CSMD1: variants seen among roughly 807,000 people sequenced by gnomAD.
CSMD1 encodes CUB and sushi domain-containing protein 1.
CSMD1 carries 213 observed loss-of-function variants against 417.5 expected under a neutral mutation model. That is an observed-to-expected ratio of 0.51 (90% CI 0.46 to 0.57). The LOEUF (loss-of-function observed/expected upper bound fraction) is 0.57. CSMD1 is among the 20% of genes least tolerant of loss of function. CSMD1 has a pLI of 0.00. For missense variants in CSMD1, 6,923 were observed against 4,529.7 expected, an observed-to-expected ratio of 1.53 and a Z score of -15.17; for synonymous variants, 2,862 against 1,736.8, an observed-to-expected ratio of 1.65 and a Z score of -16.11.
chr8:4,715,489 G>C (rs977251784), intron 1 of CSMD1, among the ~76,000 whole-genome samples: 1 of 151,988 alleles, frequency 6.6e-6, no homozygotes, highest in African/African-American at 2.4e-5. Flanking sequence ...CATATAAATT[G>C]ATAATCCTCA....
intron 12 of CSMD1, among the ~76,000 whole-genome samples, chr8:3,448,420 G>A (rs1318120970): frequency 6.7e-6 from 1 of 148,230 alleles, no homozygotes. Context: ...GGAAGGAAGG[G>A]AAGGAAGAAG....
At chr8:3,812,959 A>G (rs1801166004) in intron 5 of CSMD1, among the ~76,000 whole-genome samples, 1 of 152,156 alleles carries the variant, frequency 6.6e-6, no homozygotes, top group Admixed American at 6.5e-5. Context: ...TGGTAAAGGG[A>G]ACAGGCAGTG....
intron 1 of CSMD1, among the ~76,000 whole-genome samples, chr8:4,931,613 G>T (rs574299012): frequency 6.6e-6 from 1 of 152,310 alleles, no homozygotes; most frequent in Non-Finnish European, 1.5e-5. Flanking sequence ...AACTAGCTGT[G>T]TCCTGCAACC....
At chr8:4,812,841 C>G (rs1798986833) in intron 1 of CSMD1, among the ~76,000 whole-genome samples, 1 of 152,114 alleles carries the variant, frequency 6.6e-6, no homozygotes, top group Non-Finnish European at 1.5e-5. Context: ...CATAGGGAAT[C>G]TATTGTTATT....
At chr8:4,859,144 T>C (rs1171751979) in intron 1 of CSMD1, among the ~76,000 whole-genome samples, 1 of 151,908 alleles carries the variant, frequency 6.6e-6, no homozygotes, top group Non-Finnish European at 1.5e-5. Context: ...TTGACAAACC[T>C]GAGAAAAACA....
intron 3 of CSMD1, among the ~76,000 whole-genome samples, chr8:4,041,320 C>A (rs1047824363): frequency 6.6e-6 from 1 of 152,068 alleles, no homozygotes; most frequent in East Asian, 1.9e-4. Context: ...CCTGGCCGGG[C>A]CTTTGCCATT....
intron 2 of CSMD1, among the ~76,000 whole-genome samples, chr8:4,586,980 G>T (rs116279861): frequency 6.6e-6 from 1 of 152,130 alleles, no homozygotes; most frequent in Admixed American, 6.5e-5. Flanking sequence ...CTATATAAGA[G>T]CGCCTAAAAA....
chr8:3,742,827 A>T (rs544760512), intron 6 of CSMD1, among the ~76,000 whole-genome samples: 1 of 152,360 alleles, frequency 6.6e-6, no homozygotes, highest in East Asian at 1.9e-4. Context: ...ATATAAGGAG[A>T]CCCAACTTCT....
chr8:3,676,640 C>A (rs144221440), intron 7 of CSMD1, among the ~76,000 whole-genome samples: 1 of 152,078 alleles, frequency 6.6e-6, no homozygotes, highest in African/African-American at 2.4e-5. Flanking sequence ...TGTGGGACCA[C>A]GCACACACAT....
At chr8:4,749,082 G>A (rs897195748) in intron 1 of CSMD1, among the ~76,000 whole-genome samples, 2 of 152,158 alleles carry the variant, frequency 1.3e-5, no homozygotes, top group Admixed American at 6.5e-5. Context: ...GCGCACGCTC[G>A]CCTGCCCATG....
chr8:4,841,224 A>G (rs1800819065), intron 1 of CSMD1, among the ~76,000 whole-genome samples: 2 of 152,356 alleles, frequency 1.3e-5, no homozygotes, highest in African/African-American at 2.4e-5. Context: ...TCTAGATAAA[A>G]GGGAAACAAG....
chr8:4,632,960 G>A (rs1239551289), intron 2 of CSMD1, among the ~76,000 whole-genome samples: 4 of 152,170 alleles, frequency 2.6e-5, no homozygotes, highest in African/African-American at 7.2e-5. Context: ...AAACGGGAGG[G>A]ACTGAAGGAC....
chr8:3,462,623 C>G (rs7002178), intron 12 of CSMD1, among the ~76,000 whole-genome samples: 3,242 of 152,140 alleles, frequency 0.021, 123 homozygotes, highest in African/African-American at 0.074. Context: ...CCCAATGATT[C>G]TACATTATGG....
chr8:4,405,514 G>T (rs551433619), intron 3 of CSMD1, among the ~76,000 whole-genome samples: 76 of 151,980 alleles, frequency 5.0e-4, no homozygotes, highest in African/African-American at 1.7e-3. Context: ...CCAGCACAGC[G>T]GCTTAACAAA....
chr8:4,812,603 T>A (rs73181515), intron 1 of CSMD1, among the ~76,000 whole-genome samples: 6,275 of 151,318 alleles, frequency 0.041, 156 homozygotes, highest in African/African-American at 0.047. Context: ...CAAGCTTTTT[T>A]TAAAAAAACC....
At chr8:3,708,640 G>A (rs1801315996) in intron 6 of CSMD1, 149 bp from the exon 7 acceptor site, 1 of 642,602 alleles carries the variant, frequency 1.6e-6, no homozygotes, top group Non-Finnish European at 2.8e-6. Context: ...CCAAGTCAAT[G>A]AAGTCAAAGA....
rs536267666 is a variant in CSMD1, at chr8:3,671,054, G to C, written c.1009+37360C>G. Among the ~76,000 whole-genome samples, 3 of 124,376 alleles carry C rather than the reference G, an allele frequency of 2.4e-5. No homozygotes were observed. The East Asian group carries it at 6.9e-4, about 29-fold the overall frequency. The allele number at this position is 124,376 out of a possible 152,430, so 81.6% of individuals were successfully genotyped here. ...TGCATATGGGATATATATGTATATA[G>C]GATATATATGTATATGGGATATATA... On this transcript the variant is annotated intron_variant, in intron 7 of 69. Coordinates refer to ENST00000635120, the MANE Select transcript of CSMD1 (RefSeq NM_033225.6).
In CSMD1 at chr8:3,257,437, G is replaced by T. The variant is rs548221838; in HGVS notation, c.4153+26707C>A. Among the ~76,000 whole-genome samples, 3 of 152,308 alleles carry T rather than the reference G, an allele frequency of 2.0e-5. No homozygotes were observed. In the East Asian group the frequency reaches 5.8e-4, roughly 29 times the overall value. On this transcript the variant is annotated intron_variant, in intron 26 of 69. Coordinates refer to ENST00000635120, the MANE Select transcript of CSMD1 (RefSeq NM_033225.6). ...TTGTGGAGGTTAGATTCTCAAGGGA[G>T]GAGATAACAATACAAAATACAACCA...
intron 5 of CSMD1, among the ~76,000 whole-genome samples, chr8:3,869,514 C>G (rs1351620703): frequency 3.9e-5 from 6 of 152,118 alleles, no homozygotes; most frequent in Non-Finnish European, 5.9e-5. Flanking sequence ...GTTTGATATG[C>G]TTAACAATAT....
Sources: gnomAD v4.1 joint callset for allele counts (sites outside exome capture counted in the v4.1 genomes callset) on GRCh38, gnomAD v4.1.1 for gene constraint, MANE v1.5 for transcripts, NCBI Gene and HGNC (gene_info 2026-07-23, HGNC 2026-07-21) for gene names.